The following INPP5D variants were observed in gnomAD, a reference collection of about 807,000 sequenced individuals.
INPP5D encodes the protein inositol polyphosphate-5-phosphatase D.
In INPP5D, 33 loss-of-function variants were observed where a neutral mutation model predicts 122.9. The observed-to-expected ratio is 0.27, with a 90% CI of 0.20 to 0.36. The LOEUF (loss-of-function observed/expected upper bound fraction) is 0.36, where lower values mean the gene tolerates loss of function less well. INPP5D is among the 10% of genes least tolerant of loss of function. The pLI, the probability that INPP5D is intolerant of heterozygous loss-of-function variation, is 1.00. For missense variants in INPP5D, 1,053 were observed against 1,412.7 expected, an observed-to-expected ratio of 0.75 and a Z score of 4.08; for synonymous variants, 584 against 576.2, an observed-to-expected ratio of 1.01 and a Z score of -0.19.
At chr2:233,135,591 TTAAA>T (rs1333281110) in intron 5 of INPP5D, among the ~76,000 whole-genome samples, 3 of 150,102 alleles carry the variant, frequency 2.0e-5, no homozygotes, top group Admixed American at 6.6e-5. Flanking sequence ...ATTTAAAATG[TTAAA>T]TATTTTTAAA....
At chr2:233,159,431 C>T (rs898628240) in intron 10 of INPP5D, among the ~76,000 whole-genome samples, 4 of 152,078 alleles carry the variant, frequency 2.6e-5, no homozygotes, top group African/African-American at 9.7e-5. Flanking sequence ...CAGTGGGTGC[C>T]TTATGCCCAT....
rs1363425674 is a variant in INPP5D, at chr2:233,137,849, A to T, written c.666-1993A>T. The stretch of plus-strand genomic sequence containing the variant: ...CTCCATCACAAAAAAAAAAAAAAAA[A>T]AAAAATATATATATATATATATATA... On this transcript the variant is annotated intron_variant, in intron 5 of 26. Transcript: ENST00000445964. Among the ~76,000 whole-genome samples, 16 of 15,844 alleles carry T rather than the reference A, an allele frequency of 1.0e-3. 1 individual carries two copies. The highest frequency in any genetic ancestry group is 2.9e-3 in the African/African-American group (16 of 5,598). 10.4% of individuals were successfully genotyped at this position (15,844 alleles called of 152,430 possible).
intron 1 of INPP5D, among the ~76,000 whole-genome samples, chr2:233,070,014 A>G (rs562089600): frequency 6.6e-6 from 1 of 152,310 alleles, no homozygotes; most frequent in Non-Finnish European, 1.5e-5. Flanking sequence ...TTCAAAACAC[A>G]ATACATTGCA....
At chr2:233,116,212 T>C (rs561638361) in intron 2 of INPP5D, among the ~76,000 whole-genome samples, 2 of 131,644 alleles carry the variant, frequency 1.5e-5, no homozygotes, top group Non-Finnish European at 3.2e-5. Context: ...CAGATATATA[T>C]GTAGATATAT....
Position 233,171,090 on chromosome 2 carries a change from A to G in INPP5D, c.1927A>G (p.Thr643Ala), listed in dbSNP as rs757318469. The G allele has an allele frequency of 6.2e-7, 1 of 1,613,366 alleles. No individual in the cohort carries two copies. The highest frequency in any genetic ancestry group is 2.2e-5 in the East Asian group (1 of 44,816). The stretch of plus-strand genomic sequence containing the variant: ...GGAGGAAGAAATCACGTTTGCCCCA[A>G]CCTACCGTTTTGAGAGACTGACTCG... ...FEEEEITFAPTYRFERLTRDK... is the reference protein window; with the variant it reads ...FEEEEITFAPAYRFERLTRDK... The change falls in exon 17 of 27, where the codon ACC becomes GCC. Residue 643 changes from threonine (T) to alanine (A), a missense_variant. This residue lies in a region of INPP5D where 258 missense variants were observed against 439.1 expected (regional missense o/e 0.59). Coordinates refer to ENST00000445964, the MANE Select transcript of INPP5D (RefSeq NM_001017915.3).
At position 233,197,907 on chromosome 2, in the gene INPP5D, C is replaced by T. The variant is rs540747713; in HGVS notation, c.2694-188C>T. ...CTCCCGGCCTGGGGCCAGGTGCTTACGAGGCCCTCAGTAATCACGGTGTTG... is the reference window on the plus strand; with the variant it reads ...CTCCCGGCCTGGGGCCAGGTGCTTATGAGGCCCTCAGTAATCACGGTGTTG... On this transcript the variant is annotated intron_variant, in intron 24 of 26. Coordinates refer to ENST00000445964, the MANE Select transcript of INPP5D (RefSeq NM_001017915.3). This position sits in a 1 kb window ranked among gnomAD's most constrained non-coding sequence, Gnocchi z 4.4. Among the ~76,000 whole-genome samples, 32 of 152,300 alleles carry T rather than the reference C, an allele frequency of 2.1e-4. No individual in the cohort carries two copies. Among genetic ancestry groups the T allele is most frequent in the Admixed American group, 1.4e-3 (21 of 15,290 alleles).
At chr2:233,070,935 T>C (rs1691364139) in intron 1 of INPP5D, among the ~76,000 whole-genome samples, 1 of 152,180 alleles carries the variant, frequency 6.6e-6, no homozygotes, top group Non-Finnish European at 1.5e-5. Context: ...TTGTTTTACA[T>C]TGAACCATTT....
chr2:233,170,422 C>T lies in INPP5D; in HGVS notation c.1792-74C>T, dbSNP rs1182400912. On this transcript the variant is annotated intron_variant, in intron 15 of 26. Transcript: ENST00000445964. This position sits in a 1 kb window ranked among gnomAD's most constrained non-coding sequence, Gnocchi z 4.5. ...CAGCCCGGGTCATCCAGCTGCCCGC[C>T]CCCAGCCCCGAAGCTTGTCAGGCCT... 1.9e-6 allele frequency: 3 copies of T among 1,595,986 alleles called. No homozygotes were observed. The highest frequency in any genetic ancestry group is 1.7e-6 in the Non-Finnish European group (2 of 1,170,648).
chr2:233,126,268 T>A (rs1396482472), intron 4 of INPP5D, among the ~76,000 whole-genome samples: 1 of 152,230 alleles, frequency 6.6e-6, no homozygotes, highest in African/African-American at 2.4e-5. Flanking sequence ...TAACTTTTTG[T>A]TTCTTTGTGA....
rs1030431965 is a variant in INPP5D at position 233,078,555 on chromosome 2, T to A, written c.135-780T>A. Among the ~76,000 whole-genome samples the A allele has an allele frequency of 6.6e-6, 1 of 152,188 alleles. No homozygotes were observed. Among genetic ancestry groups the A allele is most frequent in the African/African-American group, 2.4e-5 (1 of 41,454 alleles). ...TCAGCGGGAACGAGGTGCTGAGTGA[T>A]CCCTGCCCCTGACAGGTGGCCCCTC... On this transcript the variant is annotated intron_variant, in intron 1 of 26. Transcript: ENST00000445964. The surrounding 1 kb of genome is among the most constrained non-coding windows in gnomAD (Gnocchi z 4.6).
chr2:233,156,316 A>G (rs1694052277), intron 9 of INPP5D, among the ~76,000 whole-genome samples: 3 of 150,488 alleles, frequency 2.0e-5, no homozygotes, highest in Admixed American at 6.6e-5. Flanking sequence ...TTTGAGATGG[A>G]GTCTCACTCT....
chr2:233,116,885 C>G (rs1360984575), intron 2 of INPP5D, among the ~76,000 whole-genome samples: 1 of 152,130 alleles, frequency 6.6e-6, no homozygotes, highest in African/African-American at 2.4e-5. Context: ...GTGAGCCACC[C>G]TACCTGGTCA....
At chr2:233,122,804 C>T (rs1693028862) in intron 3 of INPP5D, among the ~76,000 whole-genome samples, 1 of 150,952 alleles carries the variant, frequency 6.6e-6, no homozygotes, top group Non-Finnish European at 1.5e-5. Context: ...GAGACCTTGT[C>T]TAAGAAAAAA....
At chr2:233,084,157 A>G (rs1425856718) in intron 2 of INPP5D, among the ~76,000 whole-genome samples, 4 of 152,110 alleles carry the variant, frequency 2.6e-5, no homozygotes, top group African/African-American at 9.7e-5. Flanking sequence ...AGGCTCAAGC[A>G]ATTCTCCCAC....
intron 4 of INPP5D, among the ~76,000 whole-genome samples, chr2:233,127,855 G>T (rs141658619): frequency 1.3e-5 from 2 of 152,172 alleles, no homozygotes; most frequent in African/African-American, 4.8e-5. Flanking sequence ...TGATCTGCCC[G>T]CCTCGACCTC....
intron 17 of INPP5D, among the ~76,000 whole-genome samples, chr2:233,172,664 T>G (rs1293448991): frequency 1.3e-5 from 2 of 152,162 alleles, no homozygotes; most frequent in Non-Finnish European, 2.9e-5. Context: ...AGAAGGCAGC[T>G]GAAAATAGCG....
At chr2:233,204,914 T>G (rs955734012) in intron 26 of INPP5D, 197 bp downstream of exon 26, 5 of 919,904 alleles carry the variant, frequency 5.4e-6, no homozygotes, top group Non-Finnish European at 6.1e-6. Context: ...GAGTCAGGAT[T>G]TGAACCCAGG....
intron 8 of INPP5D, 61 bp from the exon 9 acceptor site, chr2:233,147,410 G>T: frequency 1.4e-6 from 1 of 698,278 alleles, no homozygotes; most frequent in Non-Finnish European, 2.6e-6. Context: ...GTTCGGGCGG[G>T]GGAAGCCTTG....
chr2:233,095,516 G>A (rs941170132), intron 2 of INPP5D, among the ~76,000 whole-genome samples: 1 of 151,498 alleles, frequency 6.6e-6, no homozygotes, highest in African/African-American at 2.4e-5. Flanking sequence ...CCAGCTACTT[G>A]GGAGGCTGAG....
Sources: gnomAD v4.1 joint callset for allele counts (sites outside exome capture counted in the v4.1 genomes callset) on GRCh38, gnomAD v4.1.1 for gene constraint, gnomAD v4.1.1 regional missense constraint, Gnocchi (gnomAD v3.1) non-coding constraint, MANE v1.5 for transcripts, NCBI Gene and HGNC (gene_info 2026-07-23, HGNC 2026-07-21) for gene names.